Variants in BLTP2 observed in about 807,000 individuals in gnomAD.
BLTP2 encodes bridge-like lipid transfer protein family member 2.
At chr17:28,617,417 T>TG in the BLTP2 span, 1 of 772,510 alleles carries the variant, frequency 1.3e-6, no homozygotes, top group Non-Finnish European at 2.2e-6. Context: ...GCTCTACATA[T>TG]GCCTAATCCC....
the BLTP2 span, among the ~76,000 whole-genome samples, chr17:28,641,589 C>T: frequency 1.3e-5 from 2 of 151,180 alleles, no homozygotes; most frequent in African/African-American, 2.4e-5. Flanking sequence ...TGCAGTGAGC[C>T]GAGATCACGC....
chr17:28,634,194 A>G, the BLTP2 span: 2 of 997,238 alleles, frequency 2.0e-6, no homozygotes, highest in Admixed American at 2.5e-5. Flanking sequence ...TACAAAGTCA[A>G]TTGAGAGAAC....
chr17:28,616,821 A>G, the BLTP2 span: 1 of 1,608,012 alleles, frequency 6.2e-7, no homozygotes, highest in South Asian at 1.1e-5. This position sits in a 1 kb window ranked among gnomAD's most constrained non-coding sequence, Gnocchi z 4.8. Context: ...TACTCCTAAT[A>G]TCGTGTAACA....
chr17:28,645,116 G>C, the BLTP2 span: 1 of 1,486,142 alleles, frequency 6.7e-7, no homozygotes, highest in South Asian at 1.2e-5. Context: ...CCCGACGCCG[G>C]ATCCGCGCAG....
chr17:28,636,884 G>GAAAA, the BLTP2 span: 7 of 942,566 alleles, frequency 7.4e-6, no homozygotes, highest in South Asian at 1.5e-5. Flanking sequence ...GAAAAGACAA[G>GAAAA]AAAAAAAAAA....
chr17:28,643,688 T>C, the BLTP2 span: 1 of 1,608,910 alleles, frequency 6.2e-7, no homozygotes, highest in Non-Finnish European at 8.5e-7. Context: ...AAGCTCTGTG[T>C]GCTAGCTGCT....
chr17:28,623,963 C>A, the BLTP2 span: 1 of 1,613,230 alleles, frequency 6.2e-7, no homozygotes, highest in Non-Finnish European at 8.5e-7. Flanking sequence ...CCACGAAGAA[C>A]CATCTATGCC....
At chr17:28,631,837 T>C in the BLTP2 span, 2 of 1,614,088 alleles carry the variant, frequency 1.2e-6, no homozygotes, top group Non-Finnish European at 1.7e-6. Context: ...TATAAGCCGC[T>C]GAGTCCCCCG....
chr17:28,640,075 C>T, the BLTP2 span: 15,054 of 1,594,748 alleles, frequency 9.4e-3, 94 homozygotes, highest in Non-Finnish European at 0.011. Context: ...GCCATTCCTA[C>T]TTCTTTTACT....
chr17:28,620,100 G>A, the BLTP2 span: 4 of 1,224,248 alleles, frequency 3.3e-6, no homozygotes, highest in East Asian at 7.2e-5. Flanking sequence ...AGAAAGAAAT[G>A]GGGGGGGTCT....
At chr17:28,615,349 G>T in the BLTP2 span, 1 of 969,576 alleles carries the variant, frequency 1.0e-6, no homozygotes, top group Non-Finnish European at 1.5e-6. Flanking sequence ...CACATCCAAG[G>T]CACAATGGGG....
At chr17:28,617,345 A>T in the BLTP2 span, 1 of 1,545,840 alleles carries the variant, frequency 6.5e-7, no homozygotes, top group Non-Finnish European at 8.9e-7. Context: ...TGCCCCATCT[A>T]CTATAATAAA....
chr17:28,639,607 C>A, the BLTP2 span: 1 of 1,614,156 alleles, frequency 6.2e-7, no homozygotes, highest in Non-Finnish European at 8.5e-7. Context: ...TTGAGGCAGA[C>A]AATGCGTTGG....
the BLTP2 span, chr17:28,639,602 G>A: frequency 6.2e-7 from 1 of 1,614,190 alleles, no homozygotes; most frequent in Non-Finnish European, 8.5e-7. Flanking sequence ...GGGAGTTGAG[G>A]CAGACAATGC....
the BLTP2 span, chr17:28,628,182 A>G: frequency 8.4e-7 from 1 of 1,186,370 alleles, no homozygotes; most frequent in Admixed American, 1.9e-5. Context: ...AAGCACCATG[A>G]CTCAGTCCTT....
the BLTP2 span, chr17:28,632,960 G>A: frequency 5.2e-6 from 8 of 1,540,876 alleles, no homozygotes; most frequent in Non-Finnish European, 7.0e-6. Flanking sequence ...TGCCGAGTCA[G>A]ATCCATCTTG....
At chr17:28,642,486 C>T in the BLTP2 span, 1 of 654,668 alleles carries the variant, frequency 1.5e-6, no homozygotes, top group Non-Finnish European at 2.7e-6. Flanking sequence ...CTCATCTCTA[C>T]TAAAAATACA....
At chr17:28,622,262 T>C in the BLTP2 span, among the ~76,000 whole-genome samples, 1 of 152,326 alleles carries the variant, frequency 6.6e-6, no homozygotes, top group South Asian at 2.1e-4. Flanking sequence ...CTTGTCTGAA[T>C]GAACCACAGC....
the BLTP2 span, chr17:28,639,565 A>C: frequency 7.4e-6 from 12 of 1,613,852 alleles, no homozygotes; most frequent in Non-Finnish European, 1.0e-5. Flanking sequence ...TGGTACCACA[A>C]TCATCACACC....
Sources: allele counts gnomAD v4.1 joint callset (sites outside exome capture counted in the v4.1 genomes callset), GRCh38; gene constraint gnomAD v4.1.1; non-coding constraint Gnocchi (gnomAD v3.1); transcripts MANE v1.5; gene names NCBI Gene and HGNC (gene_info 2026-07-23, HGNC 2026-07-21).